STPG4: variants seen among roughly 807,000 people sequenced by gnomAD.
STPG4 encodes protein STPG4.
STPG4 carries 41 observed loss-of-function variants against 31.5 expected under a neutral mutation model. The ratio of observed to expected loss-of-function variants is 1.30; its 90% CI spans 1.01 to 1.69. The LOEUF is 1.69. STPG4 is among the 40% of genes most tolerant of loss of function. The pLI is 0.00. For missense variants in STPG4, 375 were observed against 293.4 expected (o/e 1.28, Z -2.03); for synonymous variants, 141 against 103.0 (o/e 1.37, Z -2.24).
intron 5 of STPG4, among the ~76,000 whole-genome samples, chr2:47,115,288 C>A (rs2103760214): frequency 6.6e-6 from 1 of 152,188 alleles, no homozygotes; most frequent in Non-Finnish European, 1.5e-5. Context: ...CAGTGGTCAA[C>A]CTGGGACATT....
intron 5 of STPG4, among the ~76,000 whole-genome samples, chr2:47,114,429 C>A (rs1686104223): frequency 6.6e-6 from 1 of 152,054 alleles, no homozygotes; most frequent in African/African-American, 2.4e-5. Context: ...ATAACTTGAA[C>A]CCAGGAGGCA....
chr2:47,155,203 G>C lies in STPG4; in HGVS notation c.49C>G (p.Leu17Val), dbSNP rs815804. ...GTGATGAATGATTCTCCACCCACCA[G>C]GTCTTCCCTTATTGAGGTGGAAGCG... is the stretch of plus-strand genomic sequence containing the variant. ...ATASTSIRED[L>V]VGGESFITAS... The change falls in exon 1 of 7, where the codon CTG (leucine) becomes GTG (valine). Residue 17 changes from leucine to valine, a missense_variant. Transcript: ENST00000445927. The C allele has an allele frequency of 1.3e-5, 21 of 1,613,872 alleles. No individual in the cohort carries two copies. In the Admixed American group the frequency reaches 2.7e-4, roughly 21 times the overall value.
chr2:47,123,963 CTTATTT>C (rs910932158), intron 5 of STPG4, among the ~76,000 whole-genome samples: 2 of 152,066 alleles, frequency 1.3e-5, no homozygotes, highest in Admixed American at 6.6e-5. Flanking sequence ...CAATTATACT[CTTATTT>C]TTATTTTATT....
intron 5 of STPG4, among the ~76,000 whole-genome samples, chr2:47,126,236 GTTCT>G (rs1449176243): frequency 1.3e-5 from 2 of 151,952 alleles, no homozygotes; most frequent in East Asian, 3.9e-4. Context: ...AAGTTTTAGG[GTTCT>G]TTCTTCTTTC....
At chr2:47,122,203 G>C (rs1686286260) in intron 5 of STPG4, among the ~76,000 whole-genome samples, 1 of 152,056 alleles carries the variant, frequency 6.6e-6, no homozygotes, top group African/African-American at 2.4e-5. Flanking sequence ...TTTTCCTATA[G>C]ATTGTTATGA....
intron 6 of STPG4, among the ~76,000 whole-genome samples, chr2:47,087,826 G>A (rs901881962): frequency 6.6e-6 from 1 of 152,110 alleles, no homozygotes; most frequent in Non-Finnish European, 1.5e-5. Context: ...TCGGCTCACT[G>A]CAATCTCTGC....
At chr2:47,155,092 A>C in intron 1 of STPG4, 79 bp downstream of exon 1, 1 of 1,385,280 alleles carries the variant, frequency 7.2e-7, no homozygotes, top group Non-Finnish European at 1.0e-6. Flanking sequence ...AAGGCCTGGG[A>C]TTAGAGAGCG....
At chr2:47,121,082 G>C (rs1246436115) in intron 5 of STPG4, 2 of 154,194 alleles carry the variant, frequency 1.3e-5, no homozygotes, top group East Asian at 1.9e-4. Flanking sequence ...AAGCTGATTT[G>C]CTCCACAGAA....
intron 5 of STPG4, among the ~76,000 whole-genome samples, chr2:47,111,671 TA>T (rs143593525): frequency 0.027 from 4,033 of 149,264 alleles, 188 homozygotes; most frequent in African/African-American, 0.094. Context: ...TCTCTGTGGG[TA>T]AAAAAAAAAT....
intron 2 of STPG4, among the ~76,000 whole-genome samples, chr2:47,152,241 G>A (rs1168654484): frequency 1.3e-5 from 2 of 152,270 alleles, no homozygotes; most frequent in East Asian, 3.9e-4. Flanking sequence ...GGAAGCTGAA[G>A]GATAATGACA....
At chr2:47,145,563 G>A (rs1686805240) in intron 3 of STPG4, among the ~76,000 whole-genome samples, 1 of 152,166 alleles carries the variant, frequency 6.6e-6, no homozygotes, top group African/African-American at 2.4e-5. Context: ...AGGCCTTGGG[G>A]AATTCACAAA....
chr2:47,098,661 A>C (rs1685726406), intron 5 of STPG4, among the ~76,000 whole-genome samples: 1 of 152,190 alleles, frequency 6.6e-6, no homozygotes, highest in Non-Finnish European at 1.5e-5. Context: ...CCATGCATTA[A>C]ATACAAGTAA....
At chr2:47,124,373 C>A (rs192953095) in intron 5 of STPG4, among the ~76,000 whole-genome samples, 129 of 152,194 alleles carry the variant, frequency 8.5e-4, no homozygotes, top group African/African-American at 2.4e-3. Flanking sequence ...CTAACTATAT[C>A]TTTGTATCCA....
rs974255080 is a variant in STPG4 at position 47,155,033 on chromosome 2, G to A, written c.81+138C>T. On this transcript the variant is annotated intron_variant, in intron 1 of 6. Coordinates refer to ENST00000445927, the MANE Select transcript of STPG4 (RefSeq NM_001163561.2). ...AAGGAAGGTCCGCAGGTGGAGACGT[G>A]CGTGAGGGCAGGGAGAGAAGGGTAG... The A allele has an allele frequency of 4.7e-5, 34 of 717,926 alleles. No individual in the cohort carries two copies. The African/African-American group carries it at 5.6e-4, about 12-fold the overall frequency. The allele number at this position is 717,926 out of a possible 1,614,324, so 44.5% of individuals were successfully genotyped here.
chr2:47,152,259 A>T (rs1686953481), intron 2 of STPG4, among the ~76,000 whole-genome samples: 1 of 152,226 alleles, frequency 6.6e-6, no homozygotes, highest in African/African-American at 2.4e-5. Flanking sequence ...ACATGACACC[A>T]GGATAAACTG....
intron 5 of STPG4, among the ~76,000 whole-genome samples, chr2:47,110,615 G>C (rs1686014917): frequency 1.3e-5 from 2 of 152,160 alleles, no homozygotes; most frequent in African/African-American, 4.8e-5. Flanking sequence ...ATTATATTTT[G>C]AAATACTGTG....
intron 5 of STPG4, among the ~76,000 whole-genome samples, chr2:47,120,842 G>C (rs1303350126): frequency 5.3e-5 from 8 of 152,094 alleles, no homozygotes. Context: ...ATTTATGTTT[G>C]GTGGGGCATC....
At chr2:47,117,486 G>A (rs567854705) in intron 5 of STPG4, among the ~76,000 whole-genome samples, 3 of 152,300 alleles carry the variant, frequency 2.0e-5, no homozygotes, top group African/African-American at 7.2e-5. Flanking sequence ...TGGGATAACA[G>A]GCATGAGCCA....
At chr2:47,107,996 C>T (rs1185972480) in intron 5 of STPG4, among the ~76,000 whole-genome samples, 2 of 151,784 alleles carry the variant, frequency 1.3e-5, no homozygotes, top group South Asian at 2.1e-4. Context: ...TTTGTAAATA[C>T]ACCAATCAGC....
Sources: gnomAD v4.1 joint callset for allele counts (sites outside exome capture counted in the v4.1 genomes callset) on GRCh38, gnomAD v4.1.1 for gene constraint, MANE v1.5 for transcripts, NCBI Gene and HGNC (gene_info 2026-07-23, HGNC 2026-07-21) for gene names.